Variants in HK2 observed in about 807,000 individuals in gnomAD.
The protein encoded by HK2 is hexokinase 2, also known as hexokinase-2.
In HK2, 42 loss-of-function variants were observed where a neutral mutation model predicts 92.9. That is an observed-to-expected ratio of 0.45 (90% CI 0.35 to 0.58). The LOEUF (loss-of-function observed/expected upper bound fraction) is 0.58. Among genes scored for constraint, HK2 ranks in the 20% least tolerant of loss-of-function variants. The pLI is 0.00. For missense variants in HK2, 978 were observed against 1,245.1 expected (o/e 0.79, Z 3.23); for synonymous variants, 422 against 468.0 (o/e 0.90, Z 1.27).
chr2:74,873,769 GT>G, intron 5 of HK2, 74 bp from the exon 6 acceptor site: 1 of 912,172 alleles, frequency 1.1e-6, no homozygotes. Flanking sequence ...AGGAGGAGGA[GT>G]GATATATAGC....
At chr2:74,842,785 G>A (rs994983930) in intron 1 of HK2, among the ~76,000 whole-genome samples, 1 of 152,204 alleles carries the variant, frequency 6.6e-6, no homozygotes, top group African/African-American at 2.4e-5. Context: ...TACAGAGGTG[G>A]CTCCCCCATT....
intron 2 of HK2, among the ~76,000 whole-genome samples, chr2:74,858,462 T>C (rs1199144281): frequency 6.6e-6 from 1 of 152,138 alleles, no homozygotes; most frequent in African/African-American, 2.4e-5. Flanking sequence ...ATTTCCTCAT[T>C]TGTGAAAAGG....
At chr2:74,838,632 G>A (rs959733911) in intron 1 of HK2, among the ~76,000 whole-genome samples, 13 of 149,392 alleles carry the variant, frequency 8.7e-5, no homozygotes, top group Admixed American at 2.7e-4. Context: ...TCCACCTCCC[G>A]GGTTCACGCC....
chr2:74,850,492 T>G (rs1688539914), intron 1 of HK2, among the ~76,000 whole-genome samples: 1 of 152,182 alleles, frequency 6.6e-6, no homozygotes, highest in Non-Finnish European at 1.5e-5. Context: ...CTAGATAAAT[T>G]CGAATACTAT....
Position 74,865,553 on chromosome 2 carries a change from C to T in HK2, c.227-2083C>T, listed in dbSNP as rs146105247. ...CTAGAATTTGGCTGAGTTCCCACTA[C>T]CAGGGAAGGCTCAGAGCTGGAGTGT... On this transcript the variant is annotated intron_variant, in intron 2 of 17. Transcript: ENST00000290573. Among the ~76,000 whole-genome samples, 123 of 152,200 alleles carry T rather than the reference C, an allele frequency of 8.1e-4. 2 individuals carry two copies. Among genetic ancestry groups the T allele is most frequent in the African/African-American group, 2.8e-3 (118 of 41,462 alleles).
chr2:74,855,284 G>A (rs1006167916), intron 2 of HK2, among the ~76,000 whole-genome samples: 2 of 152,130 alleles, frequency 1.3e-5, no homozygotes, highest in East Asian at 1.9e-4. Flanking sequence ...TACCGCGCCC[G>A]CTGCCACAGT....
intron 2 of HK2, among the ~76,000 whole-genome samples, chr2:74,855,241 C>T (rs188221087): frequency 3.3e-5 from 5 of 152,294 alleles, no homozygotes; most frequent in African/African-American, 4.8e-5. Context: ...GTGATCCGCC[C>T]GCTTCAGCCT....
rs957428593 is a variant in HK2 at position 74,863,245 on chromosome 2, A to G, written c.227-4391A>G. ...TTACGTGTTCCACACCCCTCCCTTC[A>G]GTTGGAGCAGCTCTGTTTTTCTCTA... On this transcript the variant is annotated intron_variant, in intron 2 of 17. Transcript: ENST00000290573. Among the ~76,000 whole-genome samples, 4 of 152,336 alleles carry G rather than the reference A, an allele frequency of 2.6e-5. No individual in the cohort carries two copies. In the East Asian group the frequency reaches 7.7e-4, roughly 29 times the overall value.
In HK2 at chr2:74,882,253, C is replaced by A; in HGVS notation, c.1839+14C>A. On this transcript the variant is annotated intron_variant, in intron 12 of 17. Coordinates refer to ENST00000290573, the MANE Select transcript of HK2 (RefSeq NM_000189.5). Reference sequence around the variant, plus strand: ...AGCCTGGACGAGGTAACAGCACCTTCCTGGAGGGCTCTCCTGTGGGCTTTA... The same window carrying A: ...AGCCTGGACGAGGTAACAGCACCTTACTGGAGGGCTCTCCTGTGGGCTTTA... 1 of 1,613,944 alleles carries A rather than the reference C, an allele frequency of 6.2e-7. No homozygotes were observed. The highest frequency in any genetic ancestry group is 8.5e-7 in the Non-Finnish European group (1 of 1,179,882).
chr2:74,836,402 T>A (rs1367984242), intron 1 of HK2, among the ~76,000 whole-genome samples: 1 of 152,200 alleles, frequency 6.6e-6, no homozygotes, highest in African/African-American at 2.4e-5. Flanking sequence ...GGAAATGAGT[T>A]GTAATCTCTG....
At chr2:74,860,693 T>G (rs969150943) in intron 2 of HK2, among the ~76,000 whole-genome samples, 2 of 152,226 alleles carry the variant, frequency 1.3e-5, no homozygotes, top group African/African-American at 4.8e-5. Context: ...AAAGCTGCTA[T>G]GAACATTATT....
At chr2:74,859,722 G>T (rs1410623028) in intron 2 of HK2, among the ~76,000 whole-genome samples, 2 of 152,188 alleles carry the variant, frequency 1.3e-5, no homozygotes, top group Non-Finnish European at 2.9e-5. Context: ...TACACTGTTG[G>T]TGGGAATGTA....
chr2:74,879,965 A>C (rs1470905577), intron 9 of HK2, among the ~76,000 whole-genome samples: 2 of 152,216 alleles, frequency 1.3e-5, no homozygotes, highest in African/African-American at 4.8e-5. Context: ...AGCAGTGGCC[A>C]GGGGGCCTTC....
intron 1 of HK2, among the ~76,000 whole-genome samples, chr2:74,851,363 A>T (rs775146347): frequency 7.2e-5 from 11 of 152,234 alleles, no homozygotes; most frequent in Non-Finnish European, 1.6e-4. Flanking sequence ...TTCATCTGTC[A>T]TTGAACATGT....
intron 3 of HK2, among the ~76,000 whole-genome samples, chr2:74,871,667 G>A (rs1362911747): frequency 6.6e-6 from 1 of 152,178 alleles, no homozygotes; most frequent in Non-Finnish European, 1.5e-5. Flanking sequence ...GGACTTACTG[G>A]ATGTTCTGTT....
intron 17 of HK2, among the ~76,000 whole-genome samples, 167 bp from the exon 18 acceptor site, chr2:74,890,630 T>TTAATAATATATAGTAAATG (rs1689653336): frequency 6.6e-6 from 1 of 152,252 alleles, no homozygotes; most frequent in Non-Finnish European, 1.5e-5. Context: ...TTTCTGGTAC[T>TTAATAATATATAGTAAATG]TAATAATATA....
intron 2 of HK2, among the ~76,000 whole-genome samples, chr2:74,864,303 G>T (rs1003859923): frequency 9.9e-5 from 15 of 152,190 alleles, no homozygotes; most frequent in African/African-American, 3.6e-4. Context: ...GCCCTATGTT[G>T]TAGCTACTCT....
chr2:74,850,133 C>T (rs1170517929), intron 1 of HK2, among the ~76,000 whole-genome samples: 1 of 152,188 alleles, frequency 6.6e-6, no homozygotes, highest in African/African-American at 2.4e-5. Context: ...CAACCACGAT[C>T]ACGTTATTGG....
chr2:74,837,514 G>A (rs2103821140), intron 1 of HK2, among the ~76,000 whole-genome samples: 1 of 152,222 alleles, frequency 6.6e-6, no homozygotes, highest in East Asian at 1.9e-4. Flanking sequence ...TGCTAAGGGT[G>A]TCCCTAAAAC....
Sources: allele counts gnomAD v4.1 joint callset (sites outside exome capture counted in the v4.1 genomes callset), GRCh38; gene constraint gnomAD v4.1.1; transcripts MANE v1.5; gene names NCBI Gene and HGNC (gene_info 2026-07-23, HGNC 2026-07-21).